The following FDFT1 variants were observed in gnomAD, a reference collection of about 807,000 sequenced individuals.
FDFT1 encodes the protein squalene synthase.
In FDFT1, 68 loss-of-function variants were observed where a neutral mutation model predicts 46.8. That is an observed-to-expected ratio of 1.45 (90% CI 1.19 to 1.78). The LOEUF is 1.78. Ranked by LOEUF, FDFT1 falls within the 40% of genes most tolerant of loss-of-function variation. The pLI is 0.00. For missense variants in FDFT1, 928 were observed against 524.4 expected, an observed-to-expected ratio of 1.77 and a Z score of -7.52; for synonymous variants, 351 against 185.1, an observed-to-expected ratio of 1.90 and a Z score of -7.28.
At chr8:11,831,216 C>T (rs374193376) in intron 6 of FDFT1, among the ~76,000 whole-genome samples, 8 of 152,170 alleles carry the variant, frequency 5.3e-5, no homozygotes, top group Non-Finnish European at 1.0e-4. Context: ...ATCCATTGCT[C>T]TAGCATGGAA....
At chr8:11,801,740 C>G, upstream of FDFT1, 1 of 331,908 alleles carries the variant, frequency 3.0e-6, no homozygotes. Context: ...GTTGGCCTGG[C>G]TGGAGTGCAG....
intron 7 of FDFT1, among the ~76,000 whole-genome samples, chr8:11,836,580 C>A (rs915445942): frequency 6.6e-6 from 1 of 152,258 alleles, no homozygotes; most frequent in African/African-American, 2.4e-5. Context: ...TGTTTCACTT[C>A]TCCACTCGTT....
chr8:11,801,559 A>G (rs1052479199), upstream of FDFT1: 1 of 175,502 alleles, frequency 5.7e-6, no homozygotes, highest in African/African-American at 2.4e-5. Context: ...ACCTCAGGTG[A>G]TCCGCCCGCC....
intron 5 of FDFT1, among the ~76,000 whole-genome samples, 199 bp downstream of exon 5, chr8:11,826,414 A>G (rs1810003225): frequency 6.6e-6 from 1 of 152,222 alleles, no homozygotes; most frequent in Non-Finnish European, 1.5e-5. Flanking sequence ...CCACGTAATC[A>G]GTATATTCAA....
chr8:11,807,450 A>T (rs555482751), intron 1 of FDFT1, among the ~76,000 whole-genome samples: 1 of 152,314 alleles, frequency 6.6e-6, no homozygotes, highest in African/African-American at 2.4e-5. Context: ...GGCGTGCGCC[A>T]CTGCACCCGG....
In FDFT1 at chr8:11,830,421, G is replaced by A; in HGVS notation, c.879+1G>A. The stretch of plus-strand genomic sequence containing the variant: ...GTTTAACTTCTGTGCTATTCCACAG[G>A]TAGGGAAGGGGGCTCCTCTGGGTGG... On this transcript the variant is annotated splice_donor_variant, in intron 6 of 7. Coordinates refer to ENST00000220584, the MANE Select transcript of FDFT1 (RefSeq NM_004462.5). LOFTEE classifies it high-confidence loss of function. The A allele has an allele frequency of 6.2e-7, 1 of 1,611,022 alleles. No homozygotes were observed. Among genetic ancestry groups the A allele is most frequent in the Non-Finnish European group, 8.5e-7 (1 of 1,177,766 alleles).
intron 5 of FDFT1, 105 bp downstream of exon 5, chr8:11,826,320 C>T (rs1809984103): frequency 3.8e-6 from 3 of 795,956 alleles, no homozygotes; most frequent in Non-Finnish European, 5.9e-6. Flanking sequence ...CAGGCCTCCC[C>T]CAGGCAGCAT....
chr8:11,804,821 C>A (rs1010636034), intron 1 of FDFT1, among the ~76,000 whole-genome samples: 4 of 150,904 alleles, frequency 2.7e-5, no homozygotes, highest in African/African-American at 4.9e-5. Flanking sequence ...GTTGGTGAGG[C>A]TGGTTTTGAA....
At position 11,831,868 on chromosome 8, in the gene FDFT1, C is replaced by G. The variant is rs536415928; in HGVS notation, c.1032+198C>G. 1.9e-5 allele frequency: 10 copies of G among 535,674 alleles called. No homozygotes were observed. The African/African-American group carries it at 1.9e-4, about 10-fold the overall frequency. The allele number at this position is 535,674 out of a possible 1,614,324, so 33.2% of individuals were successfully genotyped here. ...GCAGATTGCTCACTGCTGTGTAGTA[C>G]CCTGGTGAGAGGAGATAAATGGAGC... On this transcript the variant is annotated intron_variant, in intron 7 of 7. Transcript: ENST00000220584.
In FDFT1 at chr8:11,838,777, C is replaced by CATT; in HGVS notation, c.*170_*171insTAT. Reference sequence around the variant, plus strand: ...GAAATGCAGGTGAGAAGAACCTAAACATGAAAGGAAAGGGTGCCTCATCCC... The same window carrying CATT: ...GAAATGCAGGTGAGAAGAACCTAAACATTATGAAAGGAAAGGGTGCCTCATCCC... On this transcript the variant is annotated 3_prime_UTR_variant, in exon 8 of 8. Coordinates refer to ENST00000220584, the MANE Select transcript of FDFT1 (RefSeq NM_004462.5). 1.6e-6 allele frequency: 1 copy of CATT among 631,056 alleles called. No homozygotes were observed. The highest frequency in any genetic ancestry group is 2.8e-6 in the Non-Finnish European group (1 of 357,852). 39.1% of individuals were successfully genotyped at this position (631,056 alleles called of 1,614,324 possible). A position where few individuals can be genotyped will look rare whatever the true frequency, so the allele number is the denominator to read the frequency against.
chr8:11,802,157 G>C, upstream of FDFT1: 1 of 450,078 alleles, frequency 2.2e-6, no homozygotes, highest in Non-Finnish European at 4.4e-6. Context: ...GGGCTCCCTG[G>C]GGCTGGATGG....
intron 7 of FDFT1, among the ~76,000 whole-genome samples, chr8:11,838,066 C>T (rs991762034): frequency 3.3e-5 from 5 of 152,278 alleles, no homozygotes; most frequent in East Asian, 1.9e-4. Context: ...ACTATGGTGA[C>T]GTTTATTGGG....
intron 1 of FDFT1, among the ~76,000 whole-genome samples, chr8:11,807,548 C>T (rs578244128): frequency 1.3e-5 from 2 of 151,864 alleles, no homozygotes; most frequent in East Asian, 3.9e-4. Context: ...AATAGGAACC[C>T]GCCGTATTTT....
At chr8:11,797,839 G>C (rs1042585756), upstream of FDFT1, 1 of 152,232 alleles carries the variant, frequency 6.6e-6, no homozygotes, top group African/African-American at 2.4e-5. Flanking sequence ...GGCCGGATGT[G>C]AAGTACTGTA....
intron 3 of FDFT1, among the ~76,000 whole-genome samples, chr8:11,814,839 T>C (rs988817983): frequency 6.6e-6 from 1 of 152,176 alleles, no homozygotes; most frequent in African/African-American, 2.4e-5. Flanking sequence ...CACTAGAATC[T>C]AAGCTCTTCA....
Position 11,803,014 on chromosome 8 carries a change from C to T in FDFT1, c.99+83C>T, listed in dbSNP as rs368861156. On this transcript the variant is annotated intron_variant, in intron 1 of 7. Coordinates refer to ENST00000220584, the MANE Select transcript of FDFT1 (RefSeq NM_004462.5). ...AGGGCCTGAGCGGCCGGGCCCGGAT[C>T]TGGGGCAAGGGGCGCGGCGAGCAGG... The T allele has an allele frequency of 3.3e-6, 5 of 1,522,856 alleles. No homozygotes were observed. In the South Asian group the frequency reaches 4.9e-5, roughly 15 times the overall value. The allele number at this position is 1,522,856 out of a possible 1,614,324, so 94.3% of individuals were successfully genotyped here.
Position 11,826,225 on chromosome 8 carries a change from T to A in FDFT1, c.702+10T>A. On this transcript the variant is annotated intron_variant, in intron 5 of 7. Transcript: ENST00000220584. ...GTTCTGGCCTCAAGAGGTAACAGAT[T>A]CAGGGTATTTTGGGGGAAAATAACT... The A allele has an allele frequency of 6.6e-7, 1 of 1,505,448 alleles. No homozygotes were observed. Among genetic ancestry groups the A allele is most frequent in the Non-Finnish European group, 9.0e-7 (1 of 1,111,628 alleles). 93.3% of individuals were successfully genotyped at this position (1,505,448 alleles called of 1,614,324 possible).
In FDFT1 at chr8:11,831,632, C is replaced by T. The variant is rs752852722; in HGVS notation, c.994C>T (p.Pro332Ser). Residue 332 changes from proline (P) to serine (S), a missense_variant, in exon 7 of 8, where the codon CCA (proline) becomes TCA (serine). Physicochemically the swap from Pro to Ser is moderately conservative, Grantham distance 74. Coordinates refer to ENST00000220584, the MANE Select transcript of FDFT1 (RefSeq NM_004462.5). Reference sequence around the variant, plus strand: ...CCTGATGATGGATGCCACCAATATGCCAGCTGTCAAAGCCATCATATATCA... The same window carrying T: ...CCTGATGATGGATGCCACCAATATGTCAGCTGTCAAAGCCATCATATATCA... ...VTLMMDATNMPAVKAIIYQYM... is the reference protein window; with the variant it reads ...VTLMMDATNMSAVKAIIYQYM... 5.0e-6 allele frequency: 8 copies of T among 1,613,778 alleles called. No individual in the cohort carries two copies. The highest frequency in any genetic ancestry group is 1.7e-5 in the Admixed American group (1 of 60,000).
At chr8:11,798,469 G>C (rs1043977495), upstream of FDFT1, among the ~76,000 whole-genome samples, 1 of 152,240 alleles carries the variant, frequency 6.6e-6, no homozygotes, top group African/African-American at 2.4e-5. Flanking sequence ...AGATGGAGCA[G>C]AGAGGAGAGA....
Sources: gnomAD v4.1 joint callset for allele counts (sites outside exome capture counted in the v4.1 genomes callset) on GRCh38, gnomAD v4.1.1 for gene constraint, MANE v1.5 for transcripts, NCBI Gene and HGNC (gene_info 2026-07-23, HGNC 2026-07-21) for gene names.